Variants in PGF observed in about 807,000 individuals in gnomAD.
PGF encodes the protein placenta growth factor.
PGF carries 11 observed loss-of-function variants against 25.3 expected under a neutral mutation model. The observed-to-expected ratio is 0.43, with a 90% CI of 0.27 to 0.72. The LOEUF is 0.72. PGF is among the 30% of genes least tolerant of loss of function. The pLI is 0.18. For missense variants in PGF, 230 were observed against 234.9 expected, an observed-to-expected ratio of 0.98 and a Z score of 0.14; for synonymous variants, 105 against 97.9, an observed-to-expected ratio of 1.07 and a Z score of -0.43.
At position 74,953,800 on chromosome 14, in the gene PGF, C is replaced by T; in HGVS notation, c.118+104G>A. 8.6e-7 allele frequency: 1 copy of T among 1,168,852 alleles called. No individual in the cohort carries two copies. The highest frequency in any genetic ancestry group is 1.3e-6 in the Non-Finnish European group (1 of 774,420). The allele number at this position is 1,168,852 out of a possible 1,614,324, so 72.4% of individuals were successfully genotyped here. A position where few individuals can be genotyped will look rare whatever the true frequency, so the allele number is the denominator to read the frequency against. On this transcript the variant is annotated intron_variant, in intron 2 of 6. Transcript: ENST00000555567. The surrounding 1 kb of genome is among the most constrained non-coding windows in gnomAD (Gnocchi z 5.4). ...GCATGTCTAGCTTGTAGGCTCTCCC[C>T]AGCTTTTATCAACCTGCACCCACGC...
intron 2 of PGF, among the ~76,000 whole-genome samples, chr14:74,949,855 A>G (rs147079720): frequency 0.013 from 1,999 of 152,244 alleles, 27 homozygotes; most frequent in African/African-American, 0.04. Context: ...CCCGGCAGCT[A>G]CCCAGGCCCT....
At chr14:74,944,649 G>A (rs903771647) in intron 6 of PGF, 4 of 151,290 alleles carry the variant, frequency 2.6e-5, no homozygotes, top group African/African-American at 9.7e-5. Context: ...AGGCTCAGGT[G>A]ATCATTCCAC....
chr14:74,955,140 A>T lies in PGF; in HGVS notation c.75+28T>A, dbSNP rs770739693. On this transcript the variant is annotated intron_variant, in intron 1 of 6. Coordinates refer to ENST00000555567, the MANE Select transcript of PGF (RefSeq NM_002632.6). The surrounding 1 kb of genome is among the most constrained non-coding windows in gnomAD (Gnocchi z 4.1). ...AGTGCTGGGATGGGGAGGTCTGGGG[A>T]GCCAGGCTAGGTGGGGGTAGCTCTT... The T allele has an allele frequency of 7.2e-5, 97 of 1,352,456 alleles. No individual in the cohort carries two copies. Among genetic ancestry groups the T allele is most frequent in the Admixed American group, 1.1e-4 (4 of 36,006 alleles). 83.8% of individuals were successfully genotyped at this position (1,352,456 alleles called of 1,614,324 possible). A position where few individuals can be genotyped will look rare whatever the true frequency, so the allele number is the denominator to read the frequency against.
intron 2 of PGF, among the ~76,000 whole-genome samples, chr14:74,952,568 T>C: frequency 6.6e-6 from 1 of 152,194 alleles, no homozygotes; most frequent in South Asian, 2.1e-4. Context: ...ATAGTAAAAA[T>C]CAATGCCCAT....
intron 4 of PGF, 186 bp from the exon 5 acceptor site, chr14:74,946,594 C>G (rs949003760): frequency 3.1e-6 from 2 of 638,904 alleles, no homozygotes; most frequent in Non-Finnish European, 5.6e-6. Context: ...TTCACTCCCA[C>G]TCCAGGCTCT....
chr14:74,953,334 A>G lies in PGF; in HGVS notation c.118+570T>C, dbSNP rs377578129. Among the ~76,000 whole-genome samples, 20 of 152,234 alleles carry G rather than the reference A, an allele frequency of 1.3e-4. No homozygotes were observed. The East Asian group carries it at 2.3e-3, about 18-fold the overall frequency. The stretch of plus-strand genomic sequence containing the variant: ...CATGGGCCTCCTGCCTTCTGTACAT[A>G]TGTCTCTTTGGCAAACGTCTCGTTG... On this transcript the variant is annotated intron_variant, in intron 2 of 6. Coordinates refer to ENST00000555567, the MANE Select transcript of PGF (RefSeq NM_002632.6). The surrounding 1 kb of genome is among the most constrained non-coding windows in gnomAD (Gnocchi z 5.4).
chr14:74,954,379 C>G (rs994069241), intron 1 of PGF: 1 of 213,034 alleles, frequency 4.7e-6, no homozygotes, highest in East Asian at 1.1e-4. Flanking sequence ...CTGGTGCAGC[C>G]GGTAACGTTA....
chr14:74,948,451 G>C, intron 4 of PGF, 56 bp downstream of exon 4: 1 of 1,105,898 alleles, frequency 9.0e-7, no homozygotes, highest in South Asian at 1.4e-5. Context: ...TCTTTGCTGA[G>C]GCTGCCAAGA....
chr14:74,947,303 C>A (rs1004082011), intron 4 of PGF: 6 of 179,344 alleles, frequency 3.3e-5, no homozygotes, highest in African/African-American at 1.4e-4. Context: ...GGTTCATTAC[C>A]GAGCTCTTGT....
At chr14:74,951,227 T>TC (rs1888864242) in intron 2 of PGF, among the ~76,000 whole-genome samples, 1 of 152,060 alleles carries the variant, frequency 6.6e-6, no homozygotes. Flanking sequence ...TAGGGGCTGG[T>TC]GGTGGGGGGA....
rs1363910354 is a variant in PGF, at chr14:74,953,347, A to T, written c.118+557T>A. Among the ~76,000 whole-genome samples, 7 of 152,196 alleles carry T rather than the reference A, an allele frequency of 4.6e-5. No individual in the cohort carries two copies. Among genetic ancestry groups the T allele is most frequent in the African/African-American group, 1.7e-4 (7 of 41,450 alleles). On this transcript the variant is annotated intron_variant, in intron 2 of 6. Coordinates refer to ENST00000555567, the MANE Select transcript of PGF (RefSeq NM_002632.6). The surrounding 1 kb of genome is among the most constrained non-coding windows in gnomAD (Gnocchi z 5.4). ...CCTTCTGTACATATGTCTCTTTGGC[A>T]AACGTCTCGTTGCCCTTTGAAGACT...
In PGF at chr14:74,955,311, G is replaced by T; in HGVS notation, c.-69C>A. Reference sequence around the variant, plus strand: ...CATGCTCATCCCCCGGGGAGCCCCTGGCACAGGAGGAGAAGAGCTGAGTGG... The same window carrying T: ...CATGCTCATCCCCCGGGGAGCCCCTTGCACAGGAGGAGAAGAGCTGAGTGG... On this transcript the variant is annotated 5_prime_UTR_variant, in exon 1 of 7. Coordinates refer to ENST00000555567, the MANE Select transcript of PGF (RefSeq NM_002632.6). This position sits in a 1 kb window ranked among gnomAD's most constrained non-coding sequence, Gnocchi z 4.1. 1.0e-6 allele frequency: 1 copy of T among 988,122 alleles called. No individual in the cohort carries two copies. The highest frequency in any genetic ancestry group is 1.4e-6 in the Non-Finnish European group (1 of 716,296). The allele number at this position is 988,122 out of a possible 1,614,324, so 61.2% of individuals were successfully genotyped here. A position where few individuals can be genotyped will look rare whatever the true frequency, so the allele number is the denominator to read the frequency against.
intron 1 of PGF, chr14:74,954,351 A>C: frequency 4.4e-6 from 1 of 225,916 alleles, no homozygotes; most frequent in Non-Finnish European, 9.0e-6. Flanking sequence ...GAGGGGCTGG[A>C]GCGGGTGGCG....
intron 6 of PGF, chr14:74,945,307 T>TCCGGCTG (rs1185960495): frequency 6.6e-6 from 1 of 152,240 alleles, no homozygotes; most frequent in Non-Finnish European, 1.5e-5. Flanking sequence ...ACTTTCTGCC[T>TCCGGCTG]CCGGCTGCCG....
In PGF at chr14:74,949,673, C is replaced by T. The variant is rs909286927; in HGVS notation, c.119-120G>A. Reference sequence around the variant, plus strand: ...CAGCCCCCAGCCCCATCCGAGCTCCCTCAACTCTGAACTCCTAATGTGATC... The same window carrying T: ...CAGCCCCCAGCCCCATCCGAGCTCCTTCAACTCTGAACTCCTAATGTGATC... On this transcript the variant is annotated intron_variant, in intron 2 of 6. Transcript: ENST00000555567. 2.6e-5 allele frequency: 18 copies of T among 703,602 alleles called. No individual in the cohort carries two copies. The African/African-American group carries it at 2.9e-4, about 11-fold the overall frequency. 43.6% of individuals were successfully genotyped at this position (703,602 alleles called of 1,614,324 possible). A position where few individuals can be genotyped will look rare whatever the true frequency, so the allele number is the denominator to read the frequency against.
chr14:74,954,218 A>C, intron 1 of PGF: 2 of 481,218 alleles, frequency 4.2e-6, no homozygotes, highest in South Asian at 2.6e-5. Flanking sequence ...CTGCATCCCA[A>C]AGATCTTCCA....
At chr14:74,944,223 C>T (rs1888668601) in intron 6 of PGF, among the ~76,000 whole-genome samples, 2 of 151,770 alleles carry the variant, frequency 1.3e-5, no homozygotes, top group South Asian at 2.1e-4. Context: ...CTGCCTCAGC[C>T]TCCCGAGTAG....
At chr14:74,942,763 G>C in intron 6 of PGF, 30 bp from the exon 7 acceptor site, 1 of 1,602,452 alleles carries the variant, frequency 6.2e-7, no homozygotes, top group Non-Finnish European at 8.5e-7. Flanking sequence ...GACGGGGCGG[G>C]TATCAGCACA....
chr14:74,949,451 C>A lies in PGF; in HGVS notation c.221G>T (p.Ser74Ile). 1.2e-6 allele frequency: 2 copies of A among 1,612,828 alleles called. No homozygotes were observed. Among genetic ancestry groups the A allele is most frequent in the Non-Finnish European group, 8.5e-7 (1 of 1,179,608 alleles). ...GCGCAGCAGGGAGACACAGGATGGGCTGAACATGTGCTCCACCTCGCTGGG... is the reference window on the plus strand; with the variant it reads ...GCGCAGCAGGGAGACACAGGATGGGATGAACATGTGCTCCACCTCGCTGGG... Reference protein sequence around the residue: ...EYPSEVEHMFSPSCVSLLRCT... With the variant: ...EYPSEVEHMFIPSCVSLLRCT... The change falls in exon 3 of 7, where the codon AGC becomes ATC. Residue 74 changes from serine (S) to isoleucine (I), a missense_variant. Transcript: ENST00000555567.
Sources: allele counts gnomAD v4.1 joint callset (sites outside exome capture counted in the v4.1 genomes callset), GRCh38; gene constraint gnomAD v4.1.1; non-coding constraint Gnocchi (gnomAD v3.1); transcripts MANE v1.5; gene names NCBI Gene and HGNC (gene_info 2026-07-23, HGNC 2026-07-21).